CCDC192: variants seen among roughly 807,000 people sequenced by gnomAD.
CCDC192 encodes the protein coiled-coil domain-containing protein 192.
intron 3 of CCDC192, among the ~76,000 whole-genome samples, chr5:127,756,548 C>G (rs1754609320): frequency 6.6e-6 from 1 of 152,176 alleles, no homozygotes; most frequent in African/African-American, 2.4e-5. Flanking sequence ...GCTGATCCAT[C>G]GAGTGCAGGA....
intron 5 of CCDC192, among the ~76,000 whole-genome samples, chr5:127,870,588 G>C (rs1751810602): frequency 6.6e-6 from 1 of 152,168 alleles, no homozygotes; most frequent in South Asian, 2.1e-4. Flanking sequence ...TCTACATAGA[G>C]AGATACTAAC....
At chr5:127,915,534 G>A (rs182623326) in intron 6 of CCDC192, among the ~76,000 whole-genome samples, 78 of 152,126 alleles carry the variant, frequency 5.1e-4, no homozygotes, top group Middle Eastern at 3.4e-3. Context: ...GGCACGCACC[G>A]CCATGACCAG....
At chr5:127,920,571 T>A (rs559746010) in intron 6 of CCDC192, among the ~76,000 whole-genome samples, 1 of 151,926 alleles carries the variant, frequency 6.6e-6, no homozygotes, top group East Asian at 2.0e-4. Flanking sequence ...CCACCACACC[T>A]GGCTAATTTT....
intron 6 of CCDC192, among the ~76,000 whole-genome samples, chr5:127,886,916 A>T (rs1752579245): frequency 6.6e-6 from 1 of 152,216 alleles, no homozygotes; most frequent in Non-Finnish European, 1.5e-5. Flanking sequence ...ATGCTTCAGG[A>T]ATGAAAGAAA....
intron 6 of CCDC192, among the ~76,000 whole-genome samples, chr5:127,906,929 C>T (rs746499332): frequency 2.4e-4 from 37 of 152,192 alleles, no homozygotes; most frequent in Non-Finnish European, 4.7e-4. Flanking sequence ...TTCACAGCTG[C>T]TGAACCATTT....
intron 2 of CCDC192, among the ~76,000 whole-genome samples, chr5:127,715,038 G>A (rs1455631720): frequency 6.6e-6 from 1 of 151,600 alleles, no homozygotes; most frequent in Non-Finnish European, 1.5e-5. Flanking sequence ...CTTGTCAGAT[G>A]CATACTTTGT....
intron 5 of CCDC192, among the ~76,000 whole-genome samples, chr5:127,807,511 G>A (rs1442126406): frequency 6.6e-6 from 1 of 152,022 alleles, no homozygotes; most frequent in African/African-American, 2.4e-5. Flanking sequence ...CCTGGGTCTA[G>A]TTCACTGTGC....
intron 3 of CCDC192, among the ~76,000 whole-genome samples, chr5:127,792,405 G>A (rs1296680742): frequency 6.6e-6 from 1 of 151,950 alleles, no homozygotes; most frequent in African/African-American, 2.4e-5. Context: ...AGCAGTGTAG[G>A]GGTAACCATC....
intron 3 of CCDC192, among the ~76,000 whole-genome samples, chr5:127,755,736 T>C (rs1754543878): frequency 6.7e-6 from 1 of 150,206 alleles, no homozygotes; most frequent in African/African-American, 2.4e-5. Context: ...GATTTTTCAA[T>C]GGATAACTAA....
intron 6 of CCDC192, among the ~76,000 whole-genome samples, chr5:127,897,619 G>A (rs1752929887): frequency 6.6e-6 from 1 of 152,122 alleles, no homozygotes; most frequent in African/African-American, 2.4e-5. Flanking sequence ...ATGGAATAAT[G>A]CAATTTTAGA....
intron 2 of CCDC192, among the ~76,000 whole-genome samples, chr5:127,737,188 C>T (rs1753066742): frequency 1.3e-5 from 2 of 151,922 alleles, no homozygotes; most frequent in South Asian, 4.2e-4. Context: ...TCATTATGTA[C>T]CCAGTAGTCA....
rs1306414461 is a variant in CCDC192, at chr5:127,724,843, G to A, written c.114+17083G>A. On this transcript the variant is annotated intron_variant, in intron 2 of 6. Coordinates refer to ENST00000514853, the MANE Select transcript of CCDC192 (RefSeq NM_001317938.2). Reference sequence around the variant, plus strand: ...CAGCCTGGTGACAGAGTGAGACTCCGTCTCAAAAAAAAAAAAAAAAGAAGA... The same window carrying A: ...CAGCCTGGTGACAGAGTGAGACTCCATCTCAAAAAAAAAAAAAAAAGAAGA... 2.4e-4 allele frequency among the ~76,000 whole-genome samples: 21 copies of A among 85,906 alleles called. No homozygotes were observed. In the Admixed American group the frequency reaches 2.5e-3, roughly 10 times the overall value. The allele number at this position is 85,906 out of a possible 152,430, so 56.4% of individuals were successfully genotyped here.
intron 3 of CCDC192, among the ~76,000 whole-genome samples, chr5:127,782,274 TTCC>T (rs1194436083): frequency 1.3e-5 from 2 of 152,170 alleles, no homozygotes; most frequent in African/African-American, 2.4e-5. Context: ...GGTCTGTAGT[TTCC>T]TTTTTTGGAT....
At chr5:127,906,418 C>A (rs1466109091) in intron 6 of CCDC192, among the ~76,000 whole-genome samples, 1 of 152,206 alleles carries the variant, frequency 6.6e-6, no homozygotes, top group Non-Finnish European at 1.5e-5. Flanking sequence ...AACCAATCAT[C>A]TGACAATGGA....
intron 1 of CCDC192, among the ~76,000 whole-genome samples, chr5:127,706,824 G>A (rs542372691): frequency 6.6e-6 from 1 of 152,296 alleles, no homozygotes; most frequent in South Asian, 2.1e-4. Flanking sequence ...TGGTGATGAG[G>A]TGAGGGGTTA....
chr5:127,727,260 G>A (rs989417153), intron 2 of CCDC192, among the ~76,000 whole-genome samples: 1 of 152,154 alleles, frequency 6.6e-6, no homozygotes, highest in African/African-American at 2.4e-5. Context: ...ATCTTCTGAG[G>A]TCGGGAGGTC....
rs569415256 is a variant in CCDC192, at chr5:127,846,469, T to C, written c.412-29069T>C. The stretch of plus-strand genomic sequence containing the variant: ...TTTCTTTGTAGTGCCTATTTTATTT[T>C]GTTTTTATTTTTATTTTGAGAAGGA... On this transcript the variant is annotated intron_variant, in intron 5 of 6. Transcript: ENST00000514853. 1.2e-4 allele frequency among the ~76,000 whole-genome samples: 18 copies of C among 152,116 alleles called. 1 individual carries two copies. In the South Asian group the frequency reaches 3.3e-3, roughly 28 times the overall value.
chr5:127,797,753 A>T (rs201164013), intron 4 of CCDC192, among the ~76,000 whole-genome samples: 7 of 24,578 alleles, frequency 2.8e-4, no homozygotes, highest in East Asian at 1.3e-3. Context: ...ATATATATAT[A>T]TATATATATA....
intron 6 of CCDC192, among the ~76,000 whole-genome samples, chr5:127,928,617 C>T (rs945922976): frequency 6.6e-6 from 1 of 152,168 alleles, no homozygotes; most frequent in Non-Finnish European, 1.5e-5. Context: ...TTATTCTGGA[C>T]ATCTTTGTGG....
Sources: allele counts gnomAD v4.1 joint callset (sites outside exome capture counted in the v4.1 genomes callset), GRCh38; gene constraint gnomAD v4.1.1; transcripts MANE v1.5; gene names NCBI Gene and HGNC (gene_info 2026-07-23, HGNC 2026-07-21).